The following LRP1B variants were observed in gnomAD, a reference collection of about 807,000 sequenced individuals.
LRP1B encodes the protein low-density lipoprotein receptor-related protein 1B.
LRP1B carries 217 observed loss-of-function variants against 556.6 expected under a neutral mutation model. The observed-to-expected ratio is 0.39, with a 90% confidence interval of 0.35 to 0.44. The LOEUF (loss-of-function observed/expected upper bound fraction) is 0.44. Ranked by LOEUF, LRP1B falls within the 20% of genes least tolerant of loss-of-function variation. The pLI is 1.00. For synonymous variants in LRP1B, 2,047 were observed against 1,865.8 expected, an observed-to-expected ratio of 1.10 and a Z score of -2.50; for missense variants, 5,053 against 5,620.8, an observed-to-expected ratio of 0.90 and a Z score of 3.23.
intron 77 of LRP1B, 100 bp from the exon 78 acceptor site, chr2:140,335,938 T>C (rs1681068590): frequency 2.7e-6 from 2 of 742,480 alleles, no homozygotes; most frequent in Non-Finnish European, 2.4e-6. Context: ...TGTAAGAACA[T>C]AGTCATGAGT....
At chr2:140,462,539 C>T (rs1466794550) in intron 60 of LRP1B, among the ~76,000 whole-genome samples, 6 of 152,126 alleles carry the variant, frequency 3.9e-5, no homozygotes, top group African/African-American at 9.7e-5. Flanking sequence ...TATAGTTGAG[C>T]GTAGATGGAA....
At chr2:141,442,676 G>A (rs1024838187) in intron 3 of LRP1B, among the ~76,000 whole-genome samples, 4 of 151,938 alleles carry the variant, frequency 2.6e-5, no homozygotes, top group South Asian at 2.1e-4. Flanking sequence ...GAGAACACGC[G>A]GTGTTTGATT....
chr2:140,282,250 C>T (rs1442870565), intron 84 of LRP1B, among the ~76,000 whole-genome samples: 2 of 151,754 alleles, frequency 1.3e-5, no homozygotes, highest in African/African-American at 2.4e-5. Context: ...ATGATAATTA[C>T]GATGTTGATA....
At chr2:141,496,183 T>C (rs1194261937) in intron 2 of LRP1B, among the ~76,000 whole-genome samples, 1 of 152,008 alleles carries the variant, frequency 6.6e-6, no homozygotes, top group Non-Finnish European at 1.5e-5. Flanking sequence ...TACTCTGATC[T>C]GATTTTCATG....
chr2:141,754,244 G>GAA (rs145439331), intron 2 of LRP1B, among the ~76,000 whole-genome samples: 1 of 148,980 alleles, frequency 6.7e-6, no homozygotes, highest in African/African-American at 2.5e-5. Flanking sequence ...CTACGGCAAT[G>GAA]AAAAAAAAAA....
chr2:141,175,267 T>C (rs1680685458), intron 7 of LRP1B, among the ~76,000 whole-genome samples: 1 of 152,144 alleles, frequency 6.6e-6, no homozygotes, highest in South Asian at 2.1e-4. Flanking sequence ...GCAAGGCAGC[T>C]ACAAAACTTT....
At chr2:141,184,876 C>T (rs1326108572) in intron 7 of LRP1B, among the ~76,000 whole-genome samples, 1 of 151,172 alleles carries the variant, frequency 6.6e-6, no homozygotes, top group East Asian at 2.0e-4. Flanking sequence ...CATTTTTTTT[C>T]TTATTTTCTC....
intron 32 of LRP1B, among the ~76,000 whole-genome samples, chr2:140,783,620 G>A (rs2104968298): frequency 6.6e-6 from 1 of 152,240 alleles, no homozygotes; most frequent in Middle Eastern, 3.4e-3. Context: ...CCTGCAATAG[G>A]AGGAGGTCAG....
At chr2:141,152,256 T>C (rs937376105) in intron 7 of LRP1B, among the ~76,000 whole-genome samples, 2 of 152,058 alleles carry the variant, frequency 1.3e-5, no homozygotes, top group African/African-American at 2.4e-5. Flanking sequence ...AGGTAACTCA[T>C]AGAATTGTAG....
At position 141,821,688 on chromosome 2, in the gene LRP1B, T is replaced by G. The variant is rs541590750; in HGVS notation, c.83-11287A>C. Among the ~76,000 whole-genome samples, 8 of 152,300 alleles carry G rather than the reference T, an allele frequency of 5.3e-5. 1 individual carries two copies. The highest frequency in any genetic ancestry group is 1.9e-4 in the African/African-American group (8 of 41,580). On this transcript the variant is annotated intron_variant, in intron 1 of 90. Transcript: ENST00000389484. ...ATAATGTCCTTCACCAAAAAAATTA[T>G]AAGTAATAGTATATTTTTATGCTTT...
chr2:140,885,581 C>T (rs1693610631), intron 24 of LRP1B, among the ~76,000 whole-genome samples: 2 of 151,866 alleles, frequency 1.3e-5, no homozygotes, highest in Non-Finnish European at 2.9e-5. Context: ...GATCTCCTGA[C>T]CTCACGTGAT....
chr2:140,428,162 C>T (rs903491792), intron 66 of LRP1B, among the ~76,000 whole-genome samples: 2 of 152,180 alleles, frequency 1.3e-5, no homozygotes, highest in Admixed American at 6.5e-5. Context: ...ATTACCCAAT[C>T]CCAACATTAA....
chr2:141,960,200 T>A (rs113256347), intron 1 of LRP1B, among the ~76,000 whole-genome samples: 12 of 149,056 alleles, frequency 8.1e-5, no homozygotes, highest in African/African-American at 2.8e-4. Context: ...GTAATTTGGA[T>A]AAGATGAAGA....
intron 18 of LRP1B, among the ~76,000 whole-genome samples, chr2:140,954,137 G>GT (rs1695802871): frequency 6.6e-6 from 1 of 152,102 alleles, no homozygotes. Flanking sequence ...TCCTTCGTAA[G>GT]TTTCTTCTCT....
At chr2:140,720,458 CATTATA>C (rs1046654175) in intron 35 of LRP1B, among the ~76,000 whole-genome samples, 41 of 151,932 alleles carry the variant, frequency 2.7e-4, no homozygotes, top group Admixed American at 2.6e-3. Context: ...AGCTATTGTG[CATTATA>C]ATTATAATTA....
chr2:141,365,957 G>A lies in LRP1B; in HGVS notation c.344-111316C>T, dbSNP rs375945134. Among the ~76,000 whole-genome samples, 80 of 152,194 alleles carry A rather than the reference G, an allele frequency of 5.3e-4. 1 individual carries two copies. Among genetic ancestry groups the A allele is most frequent in the Middle Eastern group, 3.4e-3 (1 of 294 alleles). On this transcript the variant is annotated intron_variant, in intron 3 of 90. Coordinates refer to ENST00000389484, the MANE Select transcript of LRP1B (RefSeq NM_018557.3). ...CAAAGTGCCAGGATTACAGGCATGC[G>A]CCACCGCACCCGGCCAACAAGTTCT... is the stretch of plus-strand genomic sequence containing the variant.
intron 1 of LRP1B, among the ~76,000 whole-genome samples, chr2:142,037,886 C>A (rs1312208680): frequency 6.6e-6 from 1 of 151,406 alleles, no homozygotes; most frequent in Non-Finnish European, 1.5e-5. Context: ...TGTAGAGTGG[C>A]CTCAGGGATT....
At chr2:141,520,374 T>A (rs528432950) in intron 2 of LRP1B, among the ~76,000 whole-genome samples, 28 of 152,252 alleles carry the variant, frequency 1.8e-4, no homozygotes, top group African/African-American at 6.5e-4. Flanking sequence ...AGGCCCTGAC[T>A]AAAGCCACTT....
At chr2:141,502,321 CTAA>C (rs1484737930) in intron 2 of LRP1B, among the ~76,000 whole-genome samples, 1 of 152,170 alleles carries the variant, frequency 6.6e-6, no homozygotes, top group Non-Finnish European at 1.5e-5. Context: ...GGCTGATAAT[CTAA>C]TATCCTGGTC....
Sources: allele counts gnomAD v4.1 joint callset (sites outside exome capture counted in the v4.1 genomes callset), GRCh38; gene constraint gnomAD v4.1.1; transcripts MANE v1.5; gene names NCBI Gene and HGNC (gene_info 2026-07-23, HGNC 2026-07-21).